Variants in EPHB1 observed in about 807,000 individuals in gnomAD.
EPHB1 encodes EPH receptor B1, also known as ephrin type-B receptor 1.
A neutral mutation model predicts 94.4 loss-of-function variants in EPHB1; 30 were observed. The observed-to-expected ratio is 0.32, with a 90% CI of 0.24 to 0.43. EPHB1 has a LOEUF of 0.43. EPHB1 is among the 20% of genes least tolerant of loss of function. EPHB1 has a pLI of 1.00. For missense variants in EPHB1, 1,055 were observed against 1,308.3 expected (o/e 0.81, Z 2.99); for synonymous variants, 522 against 489.1 (o/e 1.07, Z -0.89).
intron 3 of EPHB1, among the ~76,000 whole-genome samples, chr3:135,057,627 C>T (rs1411578717): frequency 6.6e-6 from 1 of 152,202 alleles, no homozygotes; most frequent in Non-Finnish European, 1.5e-5. Context: ...TTTGGCTACT[C>T]TCACTTTTTT....
At chr3:134,923,550 C>T (rs771287335) in intron 1 of EPHB1, among the ~76,000 whole-genome samples, 5 of 152,164 alleles carry the variant, frequency 3.3e-5, no homozygotes, top group Non-Finnish European at 5.9e-5. Flanking sequence ...ACTCCCTCAC[C>T]TCCCTAGGAT....
At chr3:135,034,646 C>T (rs188153647) in intron 3 of EPHB1, among the ~76,000 whole-genome samples, 8 of 152,352 alleles carry the variant, frequency 5.3e-5, no homozygotes, top group Middle Eastern at 3.4e-3. Flanking sequence ...AAGTCACAGC[C>T]GCAGGGACTC....
chr3:135,075,690 G>A (rs1280399610), intron 3 of EPHB1, among the ~76,000 whole-genome samples: 3 of 152,200 alleles, frequency 2.0e-5, no homozygotes, highest in Admixed American at 6.5e-5. Context: ...AAAGAAAGAA[G>A]CAGCTGGCAG....
chr3:134,914,752 G>A (rs1329003608), intron 1 of EPHB1, among the ~76,000 whole-genome samples: 1 of 152,174 alleles, frequency 6.6e-6, no homozygotes, highest in East Asian at 1.9e-4. Flanking sequence ...GAATGACAAA[G>A]CACTCAGGGA....
At chr3:135,190,388 G>C (rs745941298) in intron 10 of EPHB1, among the ~76,000 whole-genome samples, 7 of 152,068 alleles carry the variant, frequency 4.6e-5, no homozygotes, top group Non-Finnish European at 8.8e-5. Context: ...ATGACAACAA[G>C]GAAGAAATAC....
intron 1 of EPHB1, among the ~76,000 whole-genome samples, chr3:134,911,474 T>C (rs993412549): frequency 1.3e-5 from 2 of 151,300 alleles, no homozygotes; most frequent in Admixed American, 6.6e-5. Flanking sequence ...TGGGGTGGAG[T>C]CAGGGTATGA....
At chr3:135,219,293 C>T (rs936191522) in intron 12 of EPHB1, among the ~76,000 whole-genome samples, 1 of 152,012 alleles carries the variant, frequency 6.6e-6, no homozygotes, top group Non-Finnish European at 1.5e-5. Context: ...ACCTCTGGCA[C>T]CTGTGAATGT....
chr3:134,962,509 G>A (rs564520719), intron 3 of EPHB1, among the ~76,000 whole-genome samples: 4 of 152,134 alleles, frequency 2.6e-5, no homozygotes, highest in Non-Finnish European at 5.9e-5. Flanking sequence ...GGTGCTTGAC[G>A]CTGGAAGACC....
intron 9 of EPHB1, 100 bp from the exon 10 acceptor site, chr3:135,179,760 G>T: frequency 6.9e-7 from 1 of 1,439,964 alleles, no homozygotes; most frequent in Non-Finnish European, 9.5e-7. Context: ...GTGTAGGAGA[G>T]CTCCTCCCAG....
At chr3:134,906,702 G>C (rs757126476) in intron 1 of EPHB1, among the ~76,000 whole-genome samples, 1 of 152,216 alleles carries the variant, frequency 6.6e-6, no homozygotes, top group African/African-American at 2.4e-5. Flanking sequence ...TTTGCCAGCC[G>C]CCAGAGCAGA....
At chr3:135,240,932 T>C (rs1224176797) in intron 12 of EPHB1, among the ~76,000 whole-genome samples, 1 of 151,664 alleles carries the variant, frequency 6.6e-6, no homozygotes, top group Admixed American at 6.6e-5. Flanking sequence ...CATATCCACA[T>C]GAGGCTAGAA....
intron 13 of EPHB1, among the ~76,000 whole-genome samples, 154 bp from the exon 14 acceptor site, chr3:135,248,162 A>T (rs1363550535): frequency 1.3e-5 from 2 of 152,222 alleles, no homozygotes; most frequent in Non-Finnish European, 1.5e-5. Context: ...AACCAAGTGC[A>T]CAGAAAATCC....
chr3:135,110,390 CT>C (rs201057399), intron 4 of EPHB1, among the ~76,000 whole-genome samples: 253 of 152,304 alleles, frequency 1.7e-3, no homozygotes, highest in African/African-American at 5.8e-3. Flanking sequence ...GCCTGCCAGT[CT>C]TTCGGGGTTT....
intron 3 of EPHB1, among the ~76,000 whole-genome samples, chr3:135,083,300 G>A (rs1938226232): frequency 6.6e-6 from 1 of 152,064 alleles, no homozygotes; most frequent in Admixed American, 6.6e-5. Flanking sequence ...GTACAGAGGA[G>A]AAAGCAGCAG....
intron 3 of EPHB1, among the ~76,000 whole-genome samples, chr3:135,075,882 C>T (rs567706852): frequency 4.6e-5 from 7 of 152,300 alleles, no homozygotes; most frequent in South Asian, 2.1e-4. Flanking sequence ...CTGTAGGTAA[C>T]GTTAGCCCTT....
chr3:134,856,218 G>T (rs547239928), intron 1 of EPHB1, among the ~76,000 whole-genome samples: 4 of 152,294 alleles, frequency 2.6e-5, no homozygotes, highest in African/African-American at 9.6e-5. Context: ...AGGTTTATGG[G>T]CACGGGTGTG....
chr3:135,141,015 G>A (rs901217813), intron 5 of EPHB1, among the ~76,000 whole-genome samples: 2 of 152,148 alleles, frequency 1.3e-5, no homozygotes, highest in African/African-American at 4.8e-5. Flanking sequence ...ATATTTTTCA[G>A]TGCAAGGTAA....
chr3:134,963,784 G>A (rs1933622780), intron 3 of EPHB1, among the ~76,000 whole-genome samples: 1 of 152,238 alleles, frequency 6.6e-6, no homozygotes, highest in African/African-American at 2.4e-5. Context: ...GTTGGCATCA[G>A]CATTCCGTTT....
At chr3:135,005,368 A>G (rs1425876169) in intron 3 of EPHB1, among the ~76,000 whole-genome samples, 2 of 152,242 alleles carry the variant, frequency 1.3e-5, no homozygotes, top group African/African-American at 4.8e-5. Flanking sequence ...CAAAGCTGTC[A>G]GACAGGGACA....
Sources: allele counts gnomAD v4.1 joint callset (sites outside exome capture counted in the v4.1 genomes callset), GRCh38; gene constraint gnomAD v4.1.1; transcripts MANE v1.5; gene names NCBI Gene and HGNC (gene_info 2026-07-23, HGNC 2026-07-21).